Variants in TESK2 observed in about 807,000 individuals in gnomAD.
The protein encoded by TESK2 is dual specificity testis-specific protein kinase 2.
A neutral mutation model predicts 57.1 loss-of-function variants in TESK2; 39 were observed. The ratio of observed to expected loss-of-function variants is 0.68; its 90% CI spans 0.53 to 0.89. The LOEUF is 0.89. Among genes scored for constraint, TESK2 ranks in the 40% least tolerant of loss-of-function variants. The pLI is 0.00. For synonymous variants in TESK2, 249 were observed against 267.9 expected, an observed-to-expected ratio of 0.93 and a Z score of 0.69; for missense variants, 646 against 732.1, an observed-to-expected ratio of 0.88 and a Z score of 1.36.
At chr1:45,392,015 A>G (rs979710154) in intron 3 of TESK2, among the ~76,000 whole-genome samples, 2 of 152,208 alleles carry the variant, frequency 1.3e-5, no homozygotes, top group African/African-American at 4.8e-5. Flanking sequence ...TAAACACTAG[A>G]AAATGTTAGC....
chr1:45,393,238 C>T (rs180734372), intron 3 of TESK2, among the ~76,000 whole-genome samples: 96 of 152,252 alleles, frequency 6.3e-4, no homozygotes, highest in Middle Eastern at 3.4e-3. Context: ...ATAGCACATC[C>T]AGGCAGGCAC....
At chr1:45,459,419 CCA>C (rs1456588393) in intron 1 of TESK2, among the ~76,000 whole-genome samples, 4 of 152,272 alleles carry the variant, frequency 2.6e-5, no homozygotes, top group Admixed American at 2.0e-4. Flanking sequence ...TCTAGTTCTA[CCA>C]CAGTCTTCAA....
intron 2 of TESK2, among the ~76,000 whole-genome samples, chr1:45,452,032 C>CAAAAAAA (rs566363776): frequency 6.7e-5 from 7 of 103,850 alleles, no homozygotes; most frequent in South Asian, 3.0e-4. Flanking sequence ...GACTCCGTCT[C>CAAAAAAA]AAAAAAAAAA....
chr1:45,372,670 A>G (rs1648240948), intron 4 of TESK2, among the ~76,000 whole-genome samples: 1 of 152,030 alleles, frequency 6.6e-6, no homozygotes, highest in Non-Finnish European at 1.5e-5. Flanking sequence ...CTTGAGCCCA[A>G]GAATTTGCGG....
chr1:45,465,155 G>T (rs1402765781), intron 1 of TESK2, among the ~76,000 whole-genome samples: 2 of 151,940 alleles, frequency 1.3e-5, no homozygotes, highest in African/African-American at 4.8e-5. Context: ...AGAATCACTT[G>T]AACACAGGAG....
At chr1:45,483,932 T>C (rs1483316367) in intron 1 of TESK2, among the ~76,000 whole-genome samples, 1 of 151,612 alleles carries the variant, frequency 6.6e-6, no homozygotes, top group Non-Finnish European at 1.5e-5. Context: ...GTCTACAAAG[T>C]TGAGTCTACA....
chr1:45,436,693 G>T lies in TESK2; in HGVS notation c.223-14847C>A, dbSNP rs572585239. Among the ~76,000 whole-genome samples the T allele has an allele frequency of 2.0e-5, 3 of 151,664 alleles. No homozygotes were observed. The East Asian group carries it at 5.8e-4, about 30-fold the overall frequency. Reference sequence around the variant, plus strand: ...AGTAGAGACAGGTTTTCTCCATGTTGGGCAGGCTGGTCTCGAACTCCTGAC... The same window carrying T: ...AGTAGAGACAGGTTTTCTCCATGTTTGGCAGGCTGGTCTCGAACTCCTGAC... On this transcript the variant is annotated intron_variant, in intron 2 of 10. Transcript: ENST00000372086.
At chr1:45,490,725 C>T (rs1415410950) in intron 1 of TESK2, 127 bp downstream of exon 1, 1 of 152,156 alleles carries the variant, frequency 6.6e-6, no homozygotes, top group Non-Finnish European at 1.5e-5. Flanking sequence ...TCTGGGAAGC[C>T]GAGGGGTCCC....
rs749441248 is a variant in TESK2 at position 45,457,548 on chromosome 1, C to T, written c.222+16G>A. On this transcript the variant is annotated intron_variant, in intron 2 of 10. Coordinates refer to ENST00000372086, the MANE Select transcript of TESK2 (RefSeq NM_007170.3). The stretch of plus-strand genomic sequence containing the variant: ...CCACAGCAAGACAATATGAGAAAAG[C>T]TGAAGACTCACTCACCTTGAACACT... 6.2e-7 allele frequency: 1 copy of T among 1,609,888 alleles called. No individual in the cohort carries two copies. The highest frequency in any genetic ancestry group is 8.5e-7 in the Non-Finnish European group (1 of 1,176,518).
rs751040848 is a variant in TESK2 at position 45,457,761 on chromosome 1, T to C, written c.25A>G (p.Ile9Val). 18 of 1,614,154 alleles carry C rather than the reference T, an allele frequency of 1.1e-5. No homozygotes were observed. In the Middle Eastern group the frequency reaches 6.6e-4, roughly 59 times the overall value. ...TCCACACGTGGAGGAAATCCTGCAATTGAATTCCGTTTGCTCCGATCCATA... is the reference window on the plus strand; with the variant it reads ...TCCACACGTGGAGGAAATCCTGCAACTGAATTCCGTTTGCTCCGATCCATA... MDRSKRNS[I>V]AGFPPRVERL... Residue 9 changes from isoleucine (I) to valine (V), a missense_variant, in exon 2 of 11, where the codon ATT becomes GTT. Transcript: ENST00000372086.
chr1:45,367,814 C>T (rs1467063253), intron 4 of TESK2, among the ~76,000 whole-genome samples: 13 of 150,036 alleles, frequency 8.7e-5, no homozygotes, highest in Admixed American at 7.4e-4. Flanking sequence ...CCTCCCACCA[C>T]GCCCAGCTAA....
chr1:45,410,592 C>T lies in TESK2; in HGVS notation c.344+11133G>A, dbSNP rs1009319038. 5.3e-5 allele frequency among the ~76,000 whole-genome samples: 8 copies of T among 151,116 alleles called. No individual in the cohort carries two copies. In the East Asian group the frequency reaches 9.7e-4, roughly 18 times the overall value. On this transcript the variant is annotated intron_variant, in intron 3 of 10. Coordinates refer to ENST00000372086, the MANE Select transcript of TESK2 (RefSeq NM_007170.3). Reference sequence around the variant, plus strand: ...TGCACCCCAGCTTGGGCAACAAGAGCGAAACTCCAACTCAAAAAAAAAAAA... The same window carrying T: ...TGCACCCCAGCTTGGGCAACAAGAGTGAAACTCCAACTCAAAAAAAAAAAA...
chr1:45,485,185 T>C (rs921704908), intron 1 of TESK2, among the ~76,000 whole-genome samples: 7 of 138,750 alleles, frequency 5.0e-5, no homozygotes, highest in Admixed American at 4.9e-4. Flanking sequence ...ACTGTTTTGT[T>C]TTTTGTTTTT....
In TESK2 at chr1:45,345,268, G is replaced by A. The variant is rs867536957; in HGVS notation, c.1288C>T (p.Leu430=). Reference sequence around the variant, plus strand: ...ATAGTTCCGGGCCCTGGTGCATCCAGGTCAAATACCAGAGAGATGACAGAC... The same window carrying A: ...ATAGTTCCGGGCCCTGGTGCATCCAAGTCAAATACCAGAGAGATGACAGAC... ...SKSVISLVFD[L]DAPGPGTMPL... is the part of the protein sequence containing the mutation. Residue 430 remains leucine, a synonymous_variant, in exon 11 of 11, where the codon CTG becomes TTG. Transcript: ENST00000372086. 1.1e-5 allele frequency: 17 copies of A among 1,614,216 alleles called. No homozygotes were observed. The Middle Eastern group carries it at 1.5e-3, about 141-fold the overall frequency.
intron 1 of TESK2, among the ~76,000 whole-genome samples, chr1:45,463,685 G>A (rs891138731): frequency 6.6e-6 from 1 of 152,050 alleles, no homozygotes; most frequent in Non-Finnish European, 1.5e-5. Context: ...CTAGGGCTCA[G>A]GTGATCCTCC....
intron 4 of TESK2, among the ~76,000 whole-genome samples, chr1:45,361,663 T>G (rs1647691856): frequency 6.6e-6 from 1 of 152,226 alleles, no homozygotes; most frequent in African/African-American, 2.4e-5. Flanking sequence ...TCAACTATAT[T>G]ATGTAAATAA....
chr1:45,467,193 T>C (rs949116840), intron 1 of TESK2, among the ~76,000 whole-genome samples: 2 of 152,304 alleles, frequency 1.3e-5, no homozygotes, highest in East Asian at 1.9e-4. Flanking sequence ...TTCCTTCTAT[T>C]GAAAAACAAA....
intron 1 of TESK2, among the ~76,000 whole-genome samples, chr1:45,484,649 T>C (rs1653381622): frequency 6.6e-6 from 1 of 151,840 alleles, no homozygotes; most frequent in Non-Finnish European, 1.5e-5. Flanking sequence ...GGAGAATCGC[T>C]TCAACCCGGA....
chr1:45,409,631 G>T (rs1033498692), intron 3 of TESK2, among the ~76,000 whole-genome samples: 2 of 152,174 alleles, frequency 1.3e-5, no homozygotes, highest in African/African-American at 4.8e-5. Context: ...GATCAATTAG[G>T]ATGGTTGGGC....
Sources: gnomAD v4.1 joint callset for allele counts (sites outside exome capture counted in the v4.1 genomes callset) on GRCh38, gnomAD v4.1.1 for gene constraint, MANE v1.5 for transcripts, NCBI Gene and HGNC (gene_info 2026-07-23, HGNC 2026-07-21) for gene names.